Variants in PLEKHA5 observed in about 807,000 individuals in gnomAD.
PLEKHA5 encodes the protein pleckstrin homology domain containing A5.
Under a neutral mutation model 181.9 loss-of-function variants are expected in PLEKHA5, and 55 were observed. That is an observed-to-expected ratio of 0.30 (90% CI 0.24 to 0.38). The LOEUF (loss-of-function observed/expected upper bound fraction) is 0.38, where lower values mean the gene tolerates loss of function less well. Ranked by LOEUF, PLEKHA5 falls within the 10% of genes least tolerant of loss-of-function variation. The pLI is 1.00. For missense variants in PLEKHA5, 1,432 were observed against 1,549.5 expected, an observed-to-expected ratio of 0.92 and a Z score of 1.27; for synonymous variants, 535 against 529.4, an observed-to-expected ratio of 1.01 and a Z score of -0.15.
Position 19,274,911 on chromosome 12 carries a change from C to T in PLEKHA5, c.1241C>T (p.Thr414Ile). ...YTEADRVIQR[T>I]NSMQQLEQWI... ...GAGGCCGATCGAGTCATACAGAGAA[C>T]AAATTCAATGCAGCAGTTGGAACAG... The change falls in exon 11 of 32, where the codon ACA becomes ATA. Residue 414 changes from threonine to isoleucine, a missense_variant. Physicochemically the swap from Thr to Ile is moderately conservative, Grantham distance 89 (BLOSUM62 -1). Transcript: ENST00000429027. 1 of 1,613,816 alleles carries T rather than the reference C, an allele frequency of 6.2e-7. No homozygotes were observed. The highest frequency in any genetic ancestry group is 8.5e-7 in the Non-Finnish European group (1 of 1,179,980).
At chr12:19,374,238 C>CTT (rs139465408) in intron 31 of PLEKHA5, among the ~76,000 whole-genome samples, 2 of 137,128 alleles carry the variant, frequency 1.5e-5, no homozygotes, top group Non-Finnish European at 3.2e-5. Context: ...ACGTTTGGTA[C>CTT]TTTTTTTTTT....
chr12:19,157,011 T>C (rs2041906775), intron 3 of PLEKHA5, among the ~76,000 whole-genome samples: 1 of 151,158 alleles, frequency 6.6e-6, no homozygotes, highest in Non-Finnish European at 1.5e-5. Context: ...GACCTGAGAT[T>C]GAGCCACTGC....
intron 3 of PLEKHA5, chr12:19,152,280 T>TA (rs1455176946): frequency 2.6e-5 from 4 of 152,358 alleles, no homozygotes; most frequent in Middle Eastern, 3.4e-3. Context: ...CAAAACTTCA[T>TA]AATCTTTAAA....
intron 20 of PLEKHA5, among the ~76,000 whole-genome samples, chr12:19,331,937 G>C (rs994896990): frequency 6.6e-6 from 1 of 152,116 alleles, no homozygotes; most frequent in Non-Finnish European, 1.5e-5. Context: ...AGGATTGCTT[G>C]AGCCTGGGGA....
chr12:19,347,806 T>G (rs1457483801), intron 24 of PLEKHA5, among the ~76,000 whole-genome samples: 1 of 152,090 alleles, frequency 6.6e-6, no homozygotes, highest in Non-Finnish European at 1.5e-5. Flanking sequence ...ATTTATTGAA[T>G]TAATATAGTT....
chr12:19,145,599 C>T (rs1029853171), intron 3 of PLEKHA5, among the ~76,000 whole-genome samples: 2 of 152,020 alleles, frequency 1.3e-5, no homozygotes, highest in African/African-American at 2.4e-5. Context: ...AGGTCAATAT[C>T]GTTCTTTCAA....
At position 19,287,556 on chromosome 12, in the gene PLEKHA5, GGTGA is replaced by G; in HGVS notation, c.1863+3_1863+6del. The G allele has an allele frequency of 6.5e-7, 1 of 1,533,040 alleles. No homozygotes were observed. The highest frequency in any genetic ancestry group is 9.0e-7 in the Non-Finnish European group (1 of 1,108,148). The allele number at this position is 1,533,040 out of a possible 1,614,324, so 95.0% of individuals were successfully genotyped here. On this transcript the variant is annotated splice_donor_variant and splice_donor_region_variant and intron_variant, in intron 13 of 31. Transcript: ENST00000429027. LOFTEE classifies it high-confidence loss of function. ...GTCCCCAGAGCCTCCAAGGGAAAAC[GGTGA>G]GTAATATCTTTATTTACCATACCAT... is the stretch of plus-strand genomic sequence containing the variant.
At chr12:19,310,784 T>G (rs2086204865) in intron 15 of PLEKHA5, among the ~76,000 whole-genome samples, 1 of 152,158 alleles carries the variant, frequency 6.6e-6, no homozygotes, top group Non-Finnish European at 1.5e-5. Flanking sequence ...TTTTTTGTTT[T>G]TTTGTTTTTT....
In PLEKHA5 at chr12:19,223,300, CTCTTAATTTCAGCTGTT is replaced by C. The variant is rs1361151756; in HGVS notation, c.228-30622_228-30606del. On this transcript the variant is annotated intron_variant, in intron 3 of 31. Transcript: ENST00000429027. ...AAAATCCATCAGATATGAAAGAAGC[CTCTTAATTTCAGCTGTT>C]TCTTAATTTCAGCTGTTAAAATGTT... Among the ~76,000 whole-genome samples the C allele has an allele frequency of 3.3e-5, 5 of 152,032 alleles. No homozygotes were observed. In the East Asian group the frequency reaches 5.8e-4, roughly 18 times the overall value.
At chr12:19,348,046 C>A (rs184620415) in intron 24 of PLEKHA5, among the ~76,000 whole-genome samples, 220 of 152,126 alleles carry the variant, frequency 1.4e-3, no homozygotes, top group African/African-American at 5.1e-3. Flanking sequence ...CCATGCCCAG[C>A]TAATTTTTGT....
chr12:19,272,118 A>G (rs939483849), intron 10 of PLEKHA5, among the ~76,000 whole-genome samples: 4 of 152,234 alleles, frequency 2.6e-5, no homozygotes, highest in Admixed American at 2.6e-4. Context: ...TCACCTGTTC[A>G]CGATAATGTC....
intron 3 of PLEKHA5, among the ~76,000 whole-genome samples, chr12:19,231,443 T>C (rs2060524481): frequency 1.5e-5 from 2 of 137,178 alleles, no homozygotes; most frequent in African/African-American, 5.2e-5. Context: ...ATATGTGCAA[T>C]TTTTGTCCAT....
At chr12:19,369,624 A>T in intron 30 of PLEKHA5, 69 bp from the exon 31 acceptor site, 1 of 862,540 alleles carries the variant, frequency 1.2e-6, no homozygotes, top group Non-Finnish European at 1.9e-6. Context: ...GGATTACAGC[A>T]TCAGGATTTA....
At chr12:19,234,926 C>A (rs948544578) in intron 3 of PLEKHA5, among the ~76,000 whole-genome samples, 1 of 151,978 alleles carries the variant, frequency 6.6e-6, no homozygotes, top group African/African-American at 2.4e-5. Flanking sequence ...CTTTTAGTTT[C>A]TCTGATTTAT....
chr12:19,328,009 A>G (rs1468131303), intron 20 of PLEKHA5, among the ~76,000 whole-genome samples: 2 of 152,194 alleles, frequency 1.3e-5, no homozygotes, highest in African/African-American at 2.4e-5. Context: ...TAATTTTTGT[A>G]TATGGTGAAA....
At chr12:19,163,508 G>A (rs762755884) in intron 3 of PLEKHA5, among the ~76,000 whole-genome samples, 1 of 152,094 alleles carries the variant, frequency 6.6e-6, no homozygotes. Flanking sequence ...GCTCTTTTCC[G>A]CCATACTGTG....
intron 3 of PLEKHA5, among the ~76,000 whole-genome samples, chr12:19,249,056 G>C (rs1181176808): frequency 6.6e-6 from 1 of 152,116 alleles, no homozygotes; most frequent in Non-Finnish European, 1.5e-5. Context: ...CAGTGGGACA[G>C]GCATGCTGAT....
intron 11 of PLEKHA5, among the ~76,000 whole-genome samples, chr12:19,280,939 G>A (rs2075980207): frequency 6.6e-6 from 1 of 151,968 alleles, no homozygotes; most frequent in African/African-American, 2.4e-5. Flanking sequence ...TTGAACTCCT[G>A]GCCTCAAGCG....
At chr12:19,175,017 A>G (rs1326540160) in intron 3 of PLEKHA5, among the ~76,000 whole-genome samples, 1 of 152,242 alleles carries the variant, frequency 6.6e-6, no homozygotes, top group Non-Finnish European at 1.5e-5. Context: ...AAGAAATGTG[A>G]ATAAAAAATG....
Sources: gnomAD v4.1 joint callset for allele counts (sites outside exome capture counted in the v4.1 genomes callset) on GRCh38, gnomAD v4.1.1 for gene constraint, MANE v1.5 for transcripts, NCBI Gene and HGNC (gene_info 2026-07-23, HGNC 2026-07-21) for gene names.